The following SPAG17 variants were observed in gnomAD, a reference collection of about 807,000 sequenced individuals.
The protein encoded by SPAG17 is sperm associated antigen 17.
In SPAG17, 169 loss-of-function variants were observed where a neutral mutation model predicts 273.6. The ratio of observed to expected loss-of-function variants is 0.62; its 90% confidence interval spans 0.55 to 0.70. The LOEUF (loss-of-function observed/expected upper bound fraction) is 0.70, where lower values mean the gene tolerates loss of function less well. Ranked by LOEUF, SPAG17 falls within the 30% of genes least tolerant of loss-of-function variation. SPAG17 has a pLI of 0.00. For synonymous variants in SPAG17, 825 were observed against 873.2 expected, an observed-to-expected ratio of 0.94 and a Z score of 0.97; for missense variants, 2,557 against 2,627.8, an observed-to-expected ratio of 0.97 and a Z score of 0.59.
rs141948926 is a variant in SPAG17, at chr1:118,022,246, G to A, written c.4069+1058C>T. ...CTCAATTTTCTCATTTGTAAATTGG[G>A]GATTATTAAAATATATGCCTCACAG... On this transcript the variant is annotated intron_variant, in intron 28 of 48. Coordinates refer to ENST00000336338, the MANE Select transcript of SPAG17 (RefSeq NM_206996.4). Among the ~76,000 whole-genome samples, 60 of 151,724 alleles carry A rather than the reference G, an allele frequency of 4.0e-4. 1 individual carries two copies. The East Asian group carries it at 0.011, about 27-fold the overall frequency.
At chr1:118,004,402 A>G (rs1474546684) in intron 32 of SPAG17, among the ~76,000 whole-genome samples, 1 of 152,228 alleles carries the variant, frequency 6.6e-6, no homozygotes. Context: ...CCTTTCGTTC[A>G]GCTAAGCCCT....
At chr1:118,030,531 G>A (rs183509100) in intron 25 of SPAG17, among the ~76,000 whole-genome samples, 53 of 152,016 alleles carry the variant, frequency 3.5e-4, no homozygotes, top group Admixed American at 2.8e-3. Context: ...CTATCAAGCC[G>A]ACATCTATGT....
chr1:118,067,515 G>A (rs1434463510), intron 17 of SPAG17, among the ~76,000 whole-genome samples: 3 of 152,110 alleles, frequency 2.0e-5, no homozygotes, highest in South Asian at 2.1e-4. Context: ...AGGACACAAC[G>A]CAAAGGCACA....
chr1:117,961,855 A>C (rs1653144927), intron 48 of SPAG17: 1 of 152,492 alleles, frequency 6.6e-6, no homozygotes, highest in East Asian at 1.9e-4. Flanking sequence ...CTTTCCAAGG[A>C]GTCAGTGTTG....
chr1:118,004,881 A>G (rs1658711691), intron 32 of SPAG17, among the ~76,000 whole-genome samples: 1 of 152,074 alleles, frequency 6.6e-6, no homozygotes, highest in African/African-American at 2.4e-5. Flanking sequence ...TGCAGAAATC[A>G]CCCATCTTCT....
intron 20 of SPAG17, among the ~76,000 whole-genome samples, chr1:118,044,595 G>A (rs940067583): frequency 6.6e-6 from 1 of 152,214 alleles, no homozygotes; most frequent in Non-Finnish European, 1.5e-5. Context: ...TATCTTCAGA[G>A]TTGATACGGC....
chr1:118,039,620 G>T (rs1179010512), intron 22 of SPAG17, among the ~76,000 whole-genome samples, 176 bp from the exon 23 acceptor site: 1 of 152,100 alleles, frequency 6.6e-6, no homozygotes, highest in African/African-American at 2.4e-5. Context: ...ACAAAGAAGA[G>T]AACAATAGAC....
At chr1:117,999,837 A>G (rs1317991473) in intron 32 of SPAG17, among the ~76,000 whole-genome samples, 1 of 151,728 alleles carries the variant, frequency 6.6e-6, no homozygotes, top group Non-Finnish European at 1.5e-5. Flanking sequence ...ATTATATCTC[A>G]TTTGTCTATT....
chr1:118,127,708 C>T (rs1558032250), intron 3 of SPAG17, among the ~76,000 whole-genome samples: 1 of 152,226 alleles, frequency 6.6e-6, no homozygotes, highest in Non-Finnish European at 1.5e-5. Flanking sequence ...GTCATTTTGA[C>T]AAGATTCATT....
At chr1:118,098,802 C>A (rs1289984593) in intron 6 of SPAG17, among the ~76,000 whole-genome samples, 4 of 152,070 alleles carry the variant, frequency 2.6e-5, no homozygotes, top group Non-Finnish European at 5.9e-5. Flanking sequence ...ATATATGAGA[C>A]CTATTAGTAT....
At chr1:118,101,196 C>T (rs1656042511) in intron 5 of SPAG17, among the ~76,000 whole-genome samples, 1 of 152,278 alleles carries the variant, frequency 6.6e-6, no homozygotes, top group Non-Finnish European at 1.5e-5. Flanking sequence ...GGGAGAGTCA[C>T]TTGAGCCCAG....
intron 40 of SPAG17, 51 bp from the exon 41 acceptor site, chr1:117,984,833 G>C: frequency 8.2e-7 from 1 of 1,216,262 alleles, no homozygotes; most frequent in Non-Finnish European, 1.2e-6. Flanking sequence ...ATATTTTAAA[G>C]TGTTGTTTGT....
At chr1:117,958,435 C>CT (rs1355596395) in intron 48 of SPAG17, among the ~76,000 whole-genome samples, 8 of 152,096 alleles carry the variant, frequency 5.3e-5, no homozygotes, top group Non-Finnish European at 1.5e-5. Flanking sequence ...GTATCAGAGG[C>CT]TTATGGATGG....
intron 18 of SPAG17, among the ~76,000 whole-genome samples, chr1:118,063,643 C>T (rs1329886251): frequency 1.3e-5 from 2 of 152,122 alleles, no homozygotes; most frequent in African/African-American, 2.4e-5. Context: ...TAGAAGAAAA[C>T]CTAGGCAATA....
chr1:118,000,311 T>C (rs1658134762), intron 32 of SPAG17, among the ~76,000 whole-genome samples: 1 of 152,226 alleles, frequency 6.6e-6, no homozygotes, highest in Non-Finnish European at 1.5e-5. Flanking sequence ...TGTGGGCTCT[T>C]TCTTGGTTCC....
chr1:118,132,682 G>T (rs770632217), intron 3 of SPAG17, among the ~76,000 whole-genome samples: 2 of 152,228 alleles, frequency 1.3e-5, no homozygotes, highest in African/African-American at 2.4e-5. Context: ...GACAGAGGCT[G>T]TAAGACAAAG....
chr1:118,040,769 C>A lies in SPAG17; in HGVS notation c.3127G>T (p.Gly1043Trp). 6.2e-7 allele frequency: 1 copy of A among 1,606,118 alleles called. No homozygotes were observed. Among genetic ancestry groups the A allele is most frequent in the Non-Finnish European group, 8.5e-7 (1 of 1,172,646 alleles). The change falls in exon 22 of 49, where the codon GGG becomes TGG. Residue 1043 changes from glycine (G) to tryptophan (W), a missense_variant. Transcript: ENST00000336338. ...GSNYYLYPSD[G>W]GQIEVEKTMF... ...GTCTTTTCCACTTCAATCTGCCCCC[C>A]ATCAGAAGGATACAGGTAGTAATTT...
intron 6 of SPAG17, 92 bp downstream of exon 6, chr1:118,099,514 A>G (rs1655922313): frequency 4.3e-6 from 5 of 1,158,978 alleles, no homozygotes; most frequent in Non-Finnish European, 6.4e-6. Context: ...TACTAATTGT[A>G]AGACTATGTT....
Position 118,086,958 on chromosome 1 carries a change from G to C in SPAG17, c.1410C>G (p.Ser470=). The C allele has an allele frequency of 6.3e-7, 1 of 1,592,556 alleles. No homozygotes were observed. Among genetic ancestry groups the C allele is most frequent in the Non-Finnish European group, 8.5e-7 (1 of 1,172,110 alleles). The part of the protein sequence containing the change: ...DLVPPSLREP[S]PRADGLDHRI... ...TGTGGTCTAGCCCGTCTGCTCTGGG[G>C]GATGGCTCCCGCAGACTGGGTGGGA... Residue 470 remains serine, a synonymous_variant, in exon 11 of 49, where the codon TCC becomes TCG. Coordinates refer to ENST00000336338, the MANE Select transcript of SPAG17 (RefSeq NM_206996.4).
Sources: gnomAD v4.1 joint callset for allele counts (sites outside exome capture counted in the v4.1 genomes callset) on GRCh38, gnomAD v4.1.1 for gene constraint, MANE v1.5 for transcripts, NCBI Gene and HGNC (gene_info 2026-07-23, HGNC 2026-07-21) for gene names.